Variants in CTNNA2 observed in about 807,000 individuals in gnomAD.
CTNNA2 encodes catenin alpha-2.
CTNNA2 carries 42 observed loss-of-function variants against 101.0 expected under a neutral mutation model. The observed-to-expected ratio is 0.42, with a 90% CI of 0.32 to 0.54. The LOEUF is 0.54. CTNNA2 is among the 20% of genes least tolerant of loss of function. The pLI, the probability that CTNNA2 is intolerant of heterozygous loss-of-function variation, is 0.14. For synonymous variants in CTNNA2, 450 were observed against 456.4 expected (o/e 0.99, Z 0.18); for missense variants, 871 against 1,223.1 (o/e 0.71, Z 4.29).
At chr2:79,875,344 T>C (rs145608032) in intron 6 of CTNNA2, among the ~76,000 whole-genome samples, 86 of 152,268 alleles carry the variant, frequency 5.6e-4, no homozygotes, top group African/African-American at 2.0e-3. Flanking sequence ...TATAAATAAT[T>C]AGCATCTACT....
intron 7 of CTNNA2, among the ~76,000 whole-genome samples, chr2:80,229,313 A>C (rs1199241155): frequency 6.6e-6 from 1 of 152,158 alleles, no homozygotes; most frequent in Non-Finnish European, 1.5e-5. Context: ...CCGTCTGAAA[A>C]GGCTGCCCCT....
At chr2:80,001,130 G>C (rs1263602474) in intron 7 of CTNNA2, among the ~76,000 whole-genome samples, 1 of 152,008 alleles carries the variant, frequency 6.6e-6, no homozygotes, top group Non-Finnish European at 1.5e-5. Flanking sequence ...TTGTATATTT[G>C]TTTATGTGTG....
At chr2:80,364,619 G>A (rs1573851422) in intron 7 of CTNNA2, among the ~76,000 whole-genome samples, 1 of 107,704 alleles carries the variant, frequency 9.3e-6, no homozygotes, top group Non-Finnish European at 1.9e-5. Context: ...TGATTTACTT[G>A]ATTTAAGTAC....
At chr2:79,377,493 G>A (rs1469163187) in intron 4 of CTNNA2, among the ~76,000 whole-genome samples, 1 of 152,144 alleles carries the variant, frequency 6.6e-6, no homozygotes, top group Non-Finnish European at 1.5e-5. Flanking sequence ...AGTTTCTGCA[G>A]ATCTTGCAAG....
chr2:80,592,373 C>T (rs1225138119), intron 15 of CTNNA2, among the ~76,000 whole-genome samples: 3 of 152,140 alleles, frequency 2.0e-5, no homozygotes, highest in South Asian at 2.1e-4. Flanking sequence ...CCAAAAGTTT[C>T]GTTAGTTCCT....
At chr2:79,331,845 A>G (rs1251464615) in intron 3 of CTNNA2, among the ~76,000 whole-genome samples, 1 of 152,236 alleles carries the variant, frequency 6.6e-6, no homozygotes, top group African/African-American at 2.4e-5. Context: ...AGAGTGAACT[A>G]GTAGATTATT....
At chr2:80,215,846 C>T (rs7599612) in intron 7 of CTNNA2, among the ~76,000 whole-genome samples, 1,537 of 152,282 alleles carry the variant, frequency 0.01, 31 homozygotes, top group African/African-American at 0.035. Flanking sequence ...TTCATCTATG[C>T]CCTGCCCCCA....
At chr2:79,215,418 A>G (rs1199182814) in intron 2 of CTNNA2, among the ~76,000 whole-genome samples, 2 of 152,176 alleles carry the variant, frequency 1.3e-5, no homozygotes, top group Non-Finnish European at 2.9e-5. Flanking sequence ...ATATGTTGCT[A>G]TTTGGCTGCC....
intron 1 of CTNNA2, among the ~76,000 whole-genome samples, chr2:79,621,609 A>G (rs1679003159): frequency 6.6e-6 from 1 of 152,230 alleles, no homozygotes; most frequent in African/African-American, 2.4e-5. Context: ...TAAATAAATA[A>G]ATGAGGGAAA....
At chr2:80,133,421 A>C (rs1702519304) in intron 7 of CTNNA2, among the ~76,000 whole-genome samples, 1 of 152,200 alleles carries the variant, frequency 6.6e-6, no homozygotes, top group Admixed American at 6.6e-5. Flanking sequence ...AAACAAACAA[A>C]AAACAAGTTA....
chr2:80,179,598 C>T (rs1422709601), intron 7 of CTNNA2, among the ~76,000 whole-genome samples: 2 of 152,156 alleles, frequency 1.3e-5, no homozygotes, highest in Admixed American at 6.5e-5. Context: ...TGGTCTAGAT[C>T]TCCTGACCTC....
chr2:79,379,966 G>C (rs1678020851), intron 4 of CTNNA2, among the ~76,000 whole-genome samples: 1 of 152,092 alleles, frequency 6.6e-6, no homozygotes, highest in Admixed American at 6.6e-5. Context: ...CAGTTTTACA[G>C]GTCCCCAGAA....
At chr2:79,187,270 C>CTTTTCTTTTTTTTT (rs1242631840) in intron 1 of CTNNA2, among the ~76,000 whole-genome samples, 1 of 65,468 alleles carries the variant, frequency 1.5e-5, no homozygotes, top group African/African-American at 7.2e-5. Flanking sequence ...CTTTTCTTTT[C>CTTTTCTTTTTTTTT]TTTTTTTTTT....
intron 7 of CTNNA2, among the ~76,000 whole-genome samples, chr2:79,981,968 C>T (rs1160102775): frequency 6.6e-6 from 1 of 151,700 alleles, no homozygotes; most frequent in African/African-American, 2.4e-5. Flanking sequence ...AGAATATGAA[C>T]TTCAAAAGAT....
At chr2:79,937,850 A>G (rs1052144609) in intron 7 of CTNNA2, among the ~76,000 whole-genome samples, 12 of 152,220 alleles carry the variant, frequency 7.9e-5, no homozygotes, top group African/African-American at 2.4e-4. Flanking sequence ...TCCTGGTTCT[A>G]TTTAAAATAG....
chr2:79,426,352 G>T (rs1678592342), intron 4 of CTNNA2, among the ~76,000 whole-genome samples: 1 of 152,110 alleles, frequency 6.6e-6, no homozygotes, highest in Non-Finnish European at 1.5e-5. Flanking sequence ...TTCAAAGAGA[G>T]ATGTTCAAAA....
chr2:80,114,017 A>G (rs538434569), intron 7 of CTNNA2, among the ~76,000 whole-genome samples: 1 of 152,222 alleles, frequency 6.6e-6, no homozygotes, highest in African/African-American at 2.4e-5. Flanking sequence ...CCATTTTATT[A>G]TCTGCATCAT....
chr2:79,504,768 C>T (rs938928848), intron 4 of CTNNA2, among the ~76,000 whole-genome samples: 6 of 152,096 alleles, frequency 3.9e-5, no homozygotes, highest in African/African-American at 1.4e-4. Context: ...ATGTCATTGT[C>T]TTTTTAGTTG....
intron 7 of CTNNA2, among the ~76,000 whole-genome samples, chr2:79,983,962 C>T (rs2103852173): frequency 6.6e-6 from 1 of 152,116 alleles, no homozygotes; most frequent in Admixed American, 6.5e-5. Flanking sequence ...TAGGGACAAC[C>T]TATACTGGAG....
Sources: gnomAD v4.1 joint callset for allele counts (sites outside exome capture counted in the v4.1 genomes callset) on GRCh38, gnomAD v4.1.1 for gene constraint, MANE v1.5 for transcripts, NCBI Gene and HGNC (gene_info 2026-07-23, HGNC 2026-07-21) for gene names.